Variants in WDR75 observed in about 807,000 individuals in gnomAD.
WDR75 encodes the protein WD repeat domain 75, also known as WD repeat-containing protein 75.
WDR75 carries 52 observed loss-of-function variants against 106.1 expected under a neutral mutation model. The ratio of observed to expected loss-of-function variants is 0.49; its 90% confidence interval spans 0.39 to 0.62. WDR75 has a LOEUF of 0.62. Among genes scored for constraint, WDR75 ranks in the 20% least tolerant of loss-of-function variants. WDR75 has a pLI of 0.00. For missense variants in WDR75, 905 were observed against 970.3 expected (o/e 0.93, Z 0.89); for synonymous variants, 333 against 335.5 (o/e 0.99, Z 0.08).
rs1486562545 is a variant in WDR75 at position 189,462,531 on chromosome 2, C to T, written c.826C>T (p.Arg276Cys). 6.2e-6 allele frequency: 10 copies of T among 1,613,984 alleles called. No homozygotes were observed. Among genetic ancestry groups the T allele is most frequent in the East Asian group, 2.2e-5 (1 of 44,872 alleles). Residue 276 changes from arginine to cysteine, a missense_variant, in exon 9 of 21, where the codon CGC becomes TGC. Physicochemically the swap from Arg to Cys is radical, Grantham distance 180. Transcript: ENST00000314761. ...TCGTGAATCTGTACTTGTAGAGTGGCGCGATGCAACAGAGAAGAATAAGGA... is the reference window on the plus strand; with the variant it reads ...TCGTGAATCTGTACTTGTAGAGTGGTGCGATGCAACAGAGAAGAATAAGGA... ...GGRESVLVEW[R>C]DATEKNKEFL...
intron 8 of WDR75, among the ~76,000 whole-genome samples, chr2:189,461,001 G>A (rs1686870392): frequency 6.6e-6 from 1 of 152,100 alleles, no homozygotes; most frequent in South Asian, 2.1e-4. Flanking sequence ...CATAACTTGA[G>A]GCATATATGA....
intron 18 of WDR75, among the ~76,000 whole-genome samples, chr2:189,473,024 C>T (rs1393197725): frequency 2.0e-5 from 3 of 152,156 alleles, no homozygotes; most frequent in Non-Finnish European, 4.4e-5. Flanking sequence ...TCGAGACCAG[C>T]CTGGCCAACA....
chr2:189,441,717 G>T, intron 1 of WDR75, 139 bp downstream of exon 1: 2 of 949,898 alleles, frequency 2.1e-6, no homozygotes, highest in Non-Finnish European at 3.2e-6. Flanking sequence ...GCCTGTGGGG[G>T]ATCCCCAGGG....
intron 16 of WDR75, 144 bp downstream of exon 16, chr2:189,469,583 CTT>C: frequency 1.5e-6 from 1 of 648,190 alleles, no homozygotes; most frequent in Non-Finnish European, 2.7e-6. Flanking sequence ...TGCCCCAACA[CTT>C]TGTCATTGTG....
intron 9 of WDR75, among the ~76,000 whole-genome samples, chr2:189,463,251 G>T (rs1008278634): frequency 6.6e-6 from 1 of 152,072 alleles, no homozygotes; most frequent in Non-Finnish European, 1.5e-5. Context: ...CACTTAAAAT[G>T]TGTTCATAGG....
chr2:189,474,358 A>G, intron 19 of WDR75, 26 bp downstream of exon 19: 1 of 1,594,540 alleles, frequency 6.3e-7, no homozygotes, highest in South Asian at 1.2e-5. Flanking sequence ...AACCATGTGA[A>G]ACAGATTAAA....
At chr2:189,453,048 G>T (rs1164288117) in intron 4 of WDR75, among the ~76,000 whole-genome samples, 1 of 152,166 alleles carries the variant, frequency 6.6e-6, no homozygotes, top group Non-Finnish European at 1.5e-5. Flanking sequence ...TACAGTCCTA[G>T]CTACTCAGGA....
intron 1 of WDR75, among the ~76,000 whole-genome samples, chr2:189,443,608 A>C (rs1212039978): frequency 6.6e-6 from 1 of 152,204 alleles, no homozygotes; most frequent in Non-Finnish European, 1.5e-5. Context: ...AGGCTGATGT[A>C]CATAAAGTAC....
intron 18 of WDR75, 141 bp downstream of exon 18, chr2:189,471,019 C>A (rs1687109077): frequency 4.6e-6 from 2 of 430,214 alleles, no homozygotes; most frequent in Non-Finnish European, 7.9e-6. Flanking sequence ...TGATATGTGT[C>A]TCTTGAAAGT....
chr2:189,466,373 T>C (rs1046023981), intron 12 of WDR75, 52 bp from the exon 13 acceptor site: 12 of 1,585,486 alleles, frequency 7.6e-6, no homozygotes, highest in South Asian at 2.3e-5. Flanking sequence ...AATTCTTATA[T>C]ACATCACTTT....
chr2:189,469,115 T>C (rs1306144308), intron 15 of WDR75, among the ~76,000 whole-genome samples: 2 of 152,156 alleles, frequency 1.3e-5, no homozygotes, highest in Non-Finnish European at 2.9e-5. Flanking sequence ...TAGACATAAA[T>C]TTCAATGAAA....
intron 6 of WDR75, 144 bp from the exon 7 acceptor site, chr2:189,458,609 A>T (rs1036392229): frequency 2.5e-5 from 15 of 596,314 alleles, no homozygotes; most frequent in African/African-American, 7.6e-5. Context: ...TTTTCTTTTT[A>T]AAAAAAATCC....
chr2:189,475,168 A>C (rs1319584986), intron 20 of WDR75, 45 bp from the exon 21 acceptor site: 1 of 1,415,342 alleles, frequency 7.1e-7, no homozygotes, highest in Non-Finnish European at 9.7e-7. Flanking sequence ...GTTACTGTTT[A>C]GAAACATTTA....
intron 5 of WDR75, 48 bp from the exon 6 acceptor site, chr2:189,457,262 AG>A: frequency 7.7e-7 from 1 of 1,290,830 alleles, no homozygotes; most frequent in Non-Finnish European, 1.1e-6. Flanking sequence ...GAAAAAAAAA[AG>A]AGTGTTGACT....
At position 189,458,823 on chromosome 2, in the gene WDR75, A is replaced by G. The variant is rs769610510; in HGVS notation, c.640A>G (p.Thr214Ala). The change falls in exon 7 of 21, where the codon ACG (threonine) becomes GCG (alanine). Residue 214 changes from threonine to alanine, a missense_variant. Transcript: ENST00000314761. ...TTTTACATGTGTAGCATGTCACCCA[A>G]CGGAAGACTGCATCGCATCTGGTCA... is the stretch of plus-strand genomic sequence containing the variant. ...NNFTCVACHP[T>A]EDCIASGHMD... 8 of 1,609,514 alleles carry G rather than the reference A, an allele frequency of 5.0e-6. No homozygotes were observed. Among genetic ancestry groups the G allele is most frequent in the Non-Finnish European group, 5.9e-6 (7 of 1,178,042 alleles).
At position 189,475,396 on chromosome 2, in the gene WDR75, C is replaced by T; in HGVS notation, c.2472C>T (p.Tyr824=). The T allele has an allele frequency of 3.1e-6, 5 of 1,608,998 alleles. No homozygotes were observed. The highest frequency in any genetic ancestry group is 4.2e-6 in the Non-Finnish European group (5 of 1,177,898). ...KELRKFRKID[Y]SWIAAL ...TGAGAAAATTTAGGAAAATAGACTA[C>T]AGCTGGATAGCTGCCCTTTAAGCCT... The change falls in exon 21 of 21, where the codon TAC becomes TAT. Residue 824 remains tyrosine, a synonymous_variant. Coordinates refer to ENST00000314761, the MANE Select transcript of WDR75 (RefSeq NM_032168.3).
chr2:189,450,928 C>T lies in WDR75; in HGVS notation c.242C>T (p.Thr81Ile). Residue 81 changes from threonine (T) to isoleucine (I), a missense_variant, in exon 3 of 21, where the codon ACA becomes ATA. Thr to Ile is a moderately conservative substitution (Grantham distance 89). Transcript: ENST00000314761. Reference sequence around the variant, plus strand: ...CTGTATTCTTGTTCCCTTGATGGCACAATTAAACTGTGGGACTATATAGAT... The same window carrying T: ...CTGTATTCTTGTTCCCTTGATGGCATAATTAAACTGTGGGACTATATAGAT... ...LQLYSCSLDGTIKLWDYIDGI... is the reference protein window; with the variant it reads ...LQLYSCSLDGIIKLWDYIDGI... 1 of 1,610,640 alleles carries T rather than the reference C, an allele frequency of 6.2e-7. No individual in the cohort carries two copies. Among genetic ancestry groups the T allele is most frequent in the Non-Finnish European group, 8.5e-7 (1 of 1,179,140 alleles).
At position 189,462,579 on chromosome 2, in the gene WDR75, A is replaced by G. The variant is rs1176824681; in HGVS notation, c.874A>G (p.Thr292Ala). Residue 292 changes from threonine to alanine, a missense_variant, in exon 9 of 21, where the codon ACT (threonine) becomes GCT (alanine). Transcript: ENST00000314761. ...GGAGTTTCTCCCGCGTTTAGGAGCT[A>G]CTATTGAACATATCTCAGTCTCGCC... is the stretch of plus-strand genomic sequence containing the variant. Reference protein sequence around the residue: ...NKEFLPRLGATIEHISVSPAG... With the variant: ...NKEFLPRLGAAIEHISVSPAG... The G allele has an allele frequency of 1.1e-5, 18 of 1,613,970 alleles. No individual in the cohort carries two copies. In the African/African-American group the frequency reaches 1.3e-4, roughly 12 times the overall value.
chr2:189,469,977 C>T, intron 16 of WDR75, 99 bp from the exon 17 acceptor site: 2 of 1,067,756 alleles, frequency 1.9e-6, no homozygotes, highest in Admixed American at 4.4e-5. Flanking sequence ...GCCAGTTACT[C>T]AATGGGGTGA....
Sources: gnomAD v4.1 joint callset for allele counts (sites outside exome capture counted in the v4.1 genomes callset) on GRCh38, gnomAD v4.1.1 for gene constraint, MANE v1.5 for transcripts, NCBI Gene and HGNC (gene_info 2026-07-23, HGNC 2026-07-21) for gene names.